The following PLCZ1 variants were observed in gnomAD, a reference collection of about 807,000 sequenced individuals.
PLCZ1 encodes the protein phospholipase C zeta 1.
PLCZ1 carries 64 observed loss-of-function variants against 76.8 expected under a neutral mutation model. That is an observed-to-expected ratio of 0.83 (90% CI 0.68 to 1.03). PLCZ1 has a LOEUF of 1.03. Among genes scored for constraint, PLCZ1 ranks in the 50% least tolerant of loss-of-function variants. The probability of loss-of-function intolerance (pLI) is 0.00; values close to 1 mark genes in which losing one functional copy is unlikely to be tolerated. For synonymous variants in PLCZ1, 248 were observed against 230.8 expected (o/e 1.07, Z -0.68); for missense variants, 751 against 713.7 (o/e 1.05, Z -0.60).
In PLCZ1 at chr12:18,719,539, T is replaced by C; in HGVS notation, c.461A>G (p.Tyr154Cys). Residue 154 changes from tyrosine to cysteine, a missense_variant, in exon 5 of 15, where the codon TAT becomes TGT. Transcript: ENST00000266505. ...LLFKNECRKV[Y>C]QDMTHPLNDY... is the part of the protein sequence containing the mutation. ...ATTTAATGGATGAGTCATATCTTGA[T>C]AAACTTTTCTACATTCATTTTTAAA... 1 of 1,599,294 alleles carries C rather than the reference T, an allele frequency of 6.3e-7. No individual in the cohort carries two copies. The highest frequency in any genetic ancestry group is 8.5e-7 in the Non-Finnish European group (1 of 1,170,296).
chr12:18,694,237 G>A lies in PLCZ1; in HGVS notation c.1461+673C>T, dbSNP rs1954600443. On this transcript the variant is annotated intron_variant, in intron 12 of 14. Transcript: ENST00000266505. ...AAACATCCTGTGTCTTTTGGAGTAC[G>A]ATGTGTAAGTGCCCACTGGGTGGCC... 2.5e-5 allele frequency: 15 copies of A among 604,138 alleles called. No individual in the cohort carries two copies. The South Asian group carries it at 3.0e-4, about 12-fold the overall frequency. 37.4% of individuals were successfully genotyped at this position (604,138 alleles called of 1,614,324 possible). A position where few individuals can be genotyped will look rare whatever the true frequency, so the allele number is the denominator to read the frequency against.
chr12:18,707,527 G>A (rs1956754591), intron 6 of PLCZ1, among the ~76,000 whole-genome samples: 1 of 152,076 alleles, frequency 6.6e-6, no homozygotes, highest in Admixed American at 6.6e-5. Flanking sequence ...GCCAAGCAAT[G>A]TTTGCCCCCC....
chr12:18,697,691 G>A (rs985045044), intron 10 of PLCZ1, among the ~76,000 whole-genome samples: 1 of 152,012 alleles, frequency 6.6e-6, no homozygotes, highest in South Asian at 2.1e-4. Context: ...TTTTGTATGT[G>A]TATAATTTTT....
In PLCZ1 at chr12:18,701,898, C is replaced by A. The variant is rs146114836; in HGVS notation, c.865-122G>T. 1,735 of 1,339,018 alleles carry A rather than the reference C, an allele frequency of 1.3e-3. 23 individuals carry two copies. In the African/African-American group the frequency reaches 0.023, roughly 18 times the overall value. The allele number at this position is 1,339,018 out of a possible 1,614,324, so 82.9% of individuals were successfully genotyped here. On this transcript the variant is annotated intron_variant, in intron 7 of 14. Coordinates refer to ENST00000266505, the MANE Select transcript of PLCZ1 (RefSeq NM_033123.4). ...TACAGTAATAAGATATGTAAGAACTCCATTTTTTCCCATACCCCTATTCAC... is the reference window on the plus strand; with the variant it reads ...TACAGTAATAAGATATGTAAGAACTACATTTTTTCCCATACCCCTATTCAC...
chr12:18,703,773 T>C lies in PLCZ1; in HGVS notation c.864+1393A>G, dbSNP rs568885199. On this transcript the variant is annotated intron_variant, in intron 7 of 14. Coordinates refer to ENST00000266505, the MANE Select transcript of PLCZ1 (RefSeq NM_033123.4). ...GAGCAATGACTACTATTCTTTGCTG[T>C]CTTGTGTGTCCCAGAAAGCTACCCT... Among the ~76,000 whole-genome samples the C allele has an allele frequency of 6.0e-4, 92 of 152,334 alleles. No individual in the cohort carries two copies. The South Asian group carries it at 0.012, about 21-fold the overall frequency.
At chr12:18,693,295 T>G in intron 12 of PLCZ1, 1 of 1,524,826 alleles carries the variant, frequency 6.6e-7, no homozygotes, top group Non-Finnish European at 9.1e-7. Flanking sequence ...CTGGTCACAG[T>G]GATGAAGGTG....
At chr12:18,684,104 A>G in intron 14 of PLCZ1, 26 bp downstream of exon 14, 1 of 1,608,194 alleles carries the variant, frequency 6.2e-7, no homozygotes, top group Non-Finnish European at 8.5e-7. Context: ...ATGCTGGTAC[A>G]ATCATCTAAC....
At chr12:18,661,412 A>G in the PLCZ1 span, among the ~76,000 whole-genome samples, 44 of 152,306 alleles carry the variant, frequency 2.9e-4, no homozygotes, top group African/African-American at 9.6e-4. Context: ...GCAAGAGAGA[A>G]GTGACACATC....
chr12:18,662,141 G>A, the PLCZ1 span, among the ~76,000 whole-genome samples: 1 of 152,044 alleles, frequency 6.6e-6, no homozygotes, highest in Non-Finnish European at 1.5e-5. Flanking sequence ...GAAAGTGCAA[G>A]GAGGGTGAAG....
chr12:18,728,734 A>G (rs896562682), intron 3 of PLCZ1, among the ~76,000 whole-genome samples: 1 of 152,204 alleles, frequency 6.6e-6, no homozygotes, highest in African/African-American at 2.4e-5. Context: ...TAGGTATGAA[A>G]GCAAAACAGA....
At chr12:18,682,956 C>T (rs1952566623), downstream of PLCZ1, among the ~76,000 whole-genome samples, 1 of 151,806 alleles carries the variant, frequency 6.6e-6, no homozygotes, top group Non-Finnish European at 1.5e-5. Context: ...CTTATAAATT[C>T]TAGTAATTAA....
At chr12:18,665,163 TAAAAAATAAA>T in the PLCZ1 span, among the ~76,000 whole-genome samples, 2 of 148,736 alleles carry the variant, frequency 1.3e-5, no homozygotes, top group East Asian at 4.0e-4. Context: ...ATAATAATAA[TAAAAAATAAA>T]AAAAAATTAA....
the PLCZ1 span, among the ~76,000 whole-genome samples, chr12:18,663,182 G>A: frequency 6.6e-6 from 1 of 151,984 alleles, no homozygotes; most frequent in Non-Finnish European, 1.5e-5. Flanking sequence ...GGGTGAACAG[G>A]TTCATCACTT....
At chr12:18,696,814 T>C (rs1026747949) in intron 10 of PLCZ1, among the ~76,000 whole-genome samples, 5 of 152,228 alleles carry the variant, frequency 3.3e-5, no homozygotes, top group Non-Finnish European at 7.4e-5. Context: ...CTCCAGCATC[T>C]TCCCCCAAAG....
At chr12:18,694,391 AC>A (rs1954625946) in intron 12 of PLCZ1, among the ~76,000 whole-genome samples, 1 of 152,222 alleles carries the variant, frequency 6.6e-6, no homozygotes, top group East Asian at 1.9e-4. Context: ...AAATTAACAG[AC>A]ACTGAAGACA....
At chr12:18,721,801 G>A (rs954409966) in intron 4 of PLCZ1, among the ~76,000 whole-genome samples, 30 of 151,274 alleles carry the variant, frequency 2.0e-4, no homozygotes, top group African/African-American at 7.0e-4. Context: ...TCTTTACCTT[G>A]CTGCTAACCT....
At position 18,695,026 on chromosome 12, in the gene PLCZ1, A is replaced by C. The variant is rs767182202; in HGVS notation, c.1345T>G (p.Phe449Val). Reference sequence around the variant, plus strand: ...TATCCAGAACCACCATTATCCAAAAATTTCCCATTTTGCAGATCCATGGGC... The same window carrying C: ...TATCCAGAACCACCATTATCCAAAACTTTCCCATTTTGCAGATCCATGGGC... Reference protein sequence around the residue: ...GLPMDLQNGKFLDNGGSGYIL... With the variant: ...GLPMDLQNGKVLDNGGSGYIL... The change falls in exon 12 of 15, where the codon TTT becomes GTT. Residue 449 changes from phenylalanine to valine, a missense_variant. Transcript: ENST00000266505. 1 of 1,612,982 alleles carries C rather than the reference A, an allele frequency of 6.2e-7. No individual in the cohort carries two copies.
chr12:18,656,754 GACAACA>G, the PLCZ1 span, among the ~76,000 whole-genome samples: 3 of 151,682 alleles, frequency 2.0e-5, no homozygotes, highest in South Asian at 6.2e-4. Flanking sequence ...CAACAACAAC[GACAACA>G]ACAACAAAAA....
Position 18,723,243 on chromosome 12 carries a change from A to G in PLCZ1, c.367+68T>C. 3 of 1,383,154 alleles carry G rather than the reference A, an allele frequency of 2.2e-6. No individual in the cohort carries two copies. The Middle Eastern group carries it at 6.6e-4, about 303-fold the overall frequency. 85.7% of individuals were successfully genotyped at this position (1,383,154 alleles called of 1,614,324 possible). A position where few individuals can be genotyped will look rare whatever the true frequency, so the allele number is the denominator to read the frequency against. The stretch of plus-strand genomic sequence containing the variant: ...TCATAAAAATACTTTGCTTTGAAAT[A>G]ATTTTTGAAAAAAGAAAAAATACTT... On this transcript the variant is annotated intron_variant, in intron 4 of 14. Coordinates refer to ENST00000266505, the MANE Select transcript of PLCZ1 (RefSeq NM_033123.4).
Sources: gnomAD v4.1 joint callset for allele counts (sites outside exome capture counted in the v4.1 genomes callset) on GRCh38, gnomAD v4.1.1 for gene constraint, MANE v1.5 for transcripts, NCBI Gene and HGNC (gene_info 2026-07-23, HGNC 2026-07-21) for gene names.